Variants in NTM observed in about 807,000 individuals in gnomAD.
The protein encoded by NTM is neurotrimin, also known as IgLON family member 2.
In NTM, 13 loss-of-function variants were observed where a neutral mutation model predicts 42.1. The observed-to-expected ratio is 0.31, with a 90% CI of 0.20 to 0.49. The LOEUF (loss-of-function observed/expected upper bound fraction) is 0.49, where lower values mean the gene tolerates loss of function less well. NTM is among the 20% of genes least tolerant of loss of function. The pLI, the probability that NTM is intolerant of heterozygous loss-of-function variation, is 0.99. For missense variants in NTM, 373 were observed against 452.8 expected (o/e 0.82, Z 1.60); for synonymous variants, 187 against 179.2 (o/e 1.04, Z -0.35).
intron 1 of NTM, among the ~76,000 whole-genome samples, chr11:131,678,060 A>G (rs963133681): frequency 1.3e-5 from 2 of 152,222 alleles, no homozygotes; most frequent in Non-Finnish European, 2.9e-5. Flanking sequence ...TACTGACTTG[A>G]TGAAGTGAAG....
rs949668788 is a variant in NTM, at chr11:132,002,411, G to A, written c.167+90763G>A. Among the ~76,000 whole-genome samples, 7 of 152,156 alleles carry A rather than the reference G, an allele frequency of 4.6e-5. No individual in the cohort carries two copies. The highest frequency in any genetic ancestry group is 1.7e-4 in the African/African-American group (7 of 41,416). ...CTGAGTTGGGAAGGTAACAGAAGGG[G>A]AAATTTTGGTTGAATAGGATAAGAA... On this transcript the variant is annotated intron_variant, in intron 2 of 8. Coordinates refer to ENST00000683400, the MANE Select transcript of NTM (RefSeq NM_001352005.2). The surrounding 1 kb of genome is among the most constrained non-coding windows in gnomAD (Gnocchi z 4.5).
intron 1 of NTM, among the ~76,000 whole-genome samples, chr11:131,860,222 C>T (rs1398505322): frequency 1.3e-5 from 2 of 152,138 alleles, no homozygotes; most frequent in African/African-American, 2.4e-5. Context: ...ATGACCATCT[C>T]GTGTTTGGAG....
rs557697894 is a variant in NTM at position 131,754,051 on chromosome 11, A to G, written c.83-157513A>G. ...GCAAGGACAAAAAACCAAACACCGCATGTTCTCACTCATAGGTGGGAATTG... is the reference window on the plus strand; with the variant it reads ...GCAAGGACAAAAAACCAAACACCGCGTGTTCTCACTCATAGGTGGGAATTG... On this transcript the variant is annotated intron_variant, in intron 1 of 8. Coordinates refer to ENST00000683400, the MANE Select transcript of NTM (RefSeq NM_001352005.2). Among the ~76,000 whole-genome samples, 560 of 146,630 alleles carry G rather than the reference A, an allele frequency of 3.8e-3. 5 individuals are homozygous for G. Among genetic ancestry groups the G allele is most frequent in the African/African-American group, 0.013 (530 of 39,942 alleles).
At chr11:131,719,730 G>A (rs1345279462) in intron 1 of NTM, among the ~76,000 whole-genome samples, 1 of 152,166 alleles carries the variant, frequency 6.6e-6, no homozygotes, top group East Asian at 1.9e-4. Context: ...GCGTCCTGTT[G>A]TGCTCCATCA....
At chr11:131,422,250 C>A (rs1357815099) in intron 1 of NTM, among the ~76,000 whole-genome samples, 1 of 152,164 alleles carries the variant, frequency 6.6e-6, no homozygotes, top group Non-Finnish European at 1.5e-5. Context: ...GAACTTGATG[C>A]CTGGCCAACT....
At chr11:131,702,157 T>C (rs1407707338) in intron 1 of NTM, among the ~76,000 whole-genome samples, 3 of 152,120 alleles carry the variant, frequency 2.0e-5, no homozygotes, top group Non-Finnish European at 4.4e-5. Context: ...AAAGCAGAGT[T>C]CCTGACCCAC....
intron 2 of NTM, among the ~76,000 whole-genome samples, chr11:132,085,205 A>G (rs1271767570): frequency 6.6e-6 from 1 of 152,258 alleles, no homozygotes; most frequent in Non-Finnish European, 1.5e-5. Flanking sequence ...TTTACTAAAG[A>G]CACATTTTAC....
At chr11:131,906,212 T>C (rs879655152) in intron 1 of NTM, among the ~76,000 whole-genome samples, 1 of 152,146 alleles carries the variant, frequency 6.6e-6, no homozygotes, top group Non-Finnish European at 1.5e-5. Flanking sequence ...AAAGTGATTC[T>C]GGGCAATCAT....
At chr11:132,160,964 T>A (rs1254319014) in intron 3 of NTM, among the ~76,000 whole-genome samples, 2 of 152,138 alleles carry the variant, frequency 1.3e-5, no homozygotes, top group Non-Finnish European at 2.9e-5. Context: ...GACTTCGGGA[T>A]ATTTCTTAAG....
At chr11:132,229,566 G>A (rs1462658096) in intron 4 of NTM, among the ~76,000 whole-genome samples, 1 of 152,178 alleles carries the variant, frequency 6.6e-6, no homozygotes, top group Non-Finnish European at 1.5e-5. Context: ...TCTGCAGTTA[G>A]TATGTCTATT....
intron 1 of NTM, among the ~76,000 whole-genome samples, chr11:131,673,475 G>T (rs1286240225): frequency 2.0e-5 from 3 of 152,214 alleles, no homozygotes; most frequent in African/African-American, 7.2e-5. Context: ...CTGTGTGTAT[G>T]TGTTTCAGTG....
At chr11:132,098,362 G>T (rs142832433) in intron 2 of NTM, among the ~76,000 whole-genome samples, 1 of 152,282 alleles carries the variant, frequency 6.6e-6, no homozygotes, top group African/African-American at 2.4e-5. Context: ...ATCCCATAGA[G>T]AATCTTTTGT....
chr11:131,682,711 G>T (rs539088104), intron 1 of NTM, among the ~76,000 whole-genome samples: 11 of 152,160 alleles, frequency 7.2e-5, no homozygotes, highest in Non-Finnish European at 1.3e-4. Flanking sequence ...TGCTCTCAGC[G>T]CCTCCACTGA....
rs576912370 is a variant in NTM, at chr11:131,948,297, G to A, written c.167+36649G>A. 3.3e-5 allele frequency among the ~76,000 whole-genome samples: 5 copies of A among 151,436 alleles called. No individual in the cohort carries two copies. The East Asian group carries it at 5.9e-4, about 18-fold the overall frequency. The stretch of plus-strand genomic sequence containing the variant: ...GGAGAATGGTGTGAACCTGGGAGGC[G>A]GAGCTTGCAGTGAGCCGAGATCACG... On this transcript the variant is annotated intron_variant, in intron 2 of 8. Transcript: ENST00000683400.
At chr11:131,786,409 GT>G in intron 1 of NTM, among the ~76,000 whole-genome samples, 1 of 152,334 alleles carries the variant, frequency 6.6e-6, no homozygotes, top group Admixed American at 6.5e-5. Context: ...TGTGTTTGCA[GT>G]TTGGGTAAGA....
intron 8 of NTM, among the ~76,000 whole-genome samples, chr11:132,331,538 G>A (rs911488014): frequency 6.6e-6 from 1 of 152,178 alleles, no homozygotes; most frequent in Non-Finnish European, 1.5e-5. Context: ...ACAAATAAAT[G>A]TGGATATGTC....
intron 1 of NTM, among the ~76,000 whole-genome samples, chr11:131,906,438 C>T (rs1028739867): frequency 7.9e-5 from 12 of 152,100 alleles, no homozygotes; most frequent in Admixed American, 4.6e-4. Context: ...GGGCTCAATC[C>T]TTCACTTAAG....
intron 8 of NTM, among the ~76,000 whole-genome samples, chr11:132,331,502 A>G (rs2095800225): frequency 1.3e-5 from 2 of 152,242 alleles, no homozygotes; most frequent in South Asian, 2.1e-4. Flanking sequence ...TTCAAGTACA[A>G]TTTTAAGCAA....
intron 3 of NTM, among the ~76,000 whole-genome samples, chr11:132,165,421 C>G (rs1353023938): frequency 6.6e-6 from 1 of 152,140 alleles, no homozygotes; most frequent in Non-Finnish European, 1.5e-5. Context: ...GCCATTTATC[C>G]CATTTACCTA....
Sources: allele counts gnomAD v4.1 joint callset (sites outside exome capture counted in the v4.1 genomes callset), GRCh38; gene constraint gnomAD v4.1.1; non-coding constraint Gnocchi (gnomAD v3.1); transcripts MANE v1.5; gene names NCBI Gene and HGNC (gene_info 2026-07-23, HGNC 2026-07-21).